Variants in WNT2 observed in about 807,000 individuals in gnomAD.
WNT2 encodes Wnt family member 2, also known as protein Wnt-2.
Under a neutral mutation model 36.9 loss-of-function variants are expected in WNT2, and 12 were observed. That is an observed-to-expected ratio of 0.33 (90% CI 0.21 to 0.53). The LOEUF (loss-of-function observed/expected upper bound fraction) is 0.53, where lower values mean the gene tolerates loss of function less well. Among genes scored for constraint, WNT2 ranks in the 20% least tolerant of loss-of-function variants. The pLI, the probability that WNT2 is intolerant of heterozygous loss-of-function variation, is 0.95. For synonymous variants in WNT2, 163 were observed against 174.6 expected (o/e 0.93, Z 0.52); for missense variants, 379 against 473.1 (o/e 0.80, Z 1.84).
chr7:117,298,474 A>G (rs1373419828), intron 3 of WNT2, among the ~76,000 whole-genome samples: 1 of 152,170 alleles, frequency 6.6e-6, no homozygotes, highest in Non-Finnish European at 1.5e-5. Flanking sequence ...GCTGTACTGC[A>G]AAGTCAGTTA....
intron 1 of WNT2, among the ~76,000 whole-genome samples, chr7:117,321,564 C>A (rs1000323884): frequency 3.4e-4 from 51 of 152,158 alleles, no homozygotes; most frequent in African/African-American, 1.2e-3. Flanking sequence ...TAGAAAGGTA[C>A]CTTTTATATA....
At chr7:117,295,125 G>A (rs773409179) in intron 4 of WNT2, among the ~76,000 whole-genome samples, 2 of 148,768 alleles carry the variant, frequency 1.3e-5, no homozygotes, top group African/African-American at 4.9e-5. Flanking sequence ...GAGACGAGAC[G>A]AGACGAGATG....
At position 117,276,188 on chromosome 7, in the gene WNT2, T is replaced by A. The variant is rs940526325; in HGVS notation, c.*1967A>T. 2.6e-5 allele frequency among the ~76,000 whole-genome samples: 4 copies of A among 152,226 alleles called. No individual in the cohort carries two copies. The highest frequency in any genetic ancestry group is 5.9e-5 in the Non-Finnish European group (4 of 68,038). ...TTCCCCAAACTAAAGGAAGCTGAGA[T>A]GTCTCCTAAGATCCTTTCCAATTTG... On this transcript the variant is annotated 3_prime_UTR_variant, in exon 5 of 5. Coordinates refer to ENST00000265441, the MANE Select transcript of WNT2 (RefSeq NM_003391.3).
At chr7:117,287,004 C>A (rs1794593660) in intron 4 of WNT2, among the ~76,000 whole-genome samples, 1 of 152,220 alleles carries the variant, frequency 6.6e-6, no homozygotes. Flanking sequence ...TCTTCACTGT[C>A]CCACTGAGGT....
chr7:117,285,373 G>A (rs1037805924), intron 4 of WNT2, among the ~76,000 whole-genome samples: 1 of 152,146 alleles, frequency 6.6e-6, no homozygotes, highest in Non-Finnish European at 1.5e-5. Context: ...TCACTGATGT[G>A]GCCAATGCTG....
chr7:117,293,197 G>A (rs1794725083), intron 4 of WNT2, among the ~76,000 whole-genome samples: 4 of 147,364 alleles, frequency 2.7e-5, no homozygotes, highest in African/African-American at 7.5e-5. Flanking sequence ...TTTCTGAAGA[G>A]CCACTTCCTT....
chr7:117,277,237 G>A lies in WNT2; in HGVS notation c.*918C>T, dbSNP rs1269953249. 3.9e-5 allele frequency: 6 copies of A among 152,148 alleles called. No homozygotes were observed. In the East Asian group the frequency reaches 1.2e-3, roughly 29 times the overall value. 9.4% of individuals were successfully genotyped at this position (152,148 alleles called of 1,614,324 possible). On this transcript the variant is annotated 3_prime_UTR_variant, in exon 5 of 5. Coordinates refer to ENST00000265441, the MANE Select transcript of WNT2 (RefSeq NM_003391.3). ...GGGTCACATGCATAATATGAGATAG[G>A]AATTTTATTCTCCCTTTTTTTCTTG... is the stretch of plus-strand genomic sequence containing the variant.
rs911801237 is a variant in WNT2 at position 117,312,545 on chromosome 7, A to G, written c.588+2526T>C. Among the ~76,000 whole-genome samples the G allele has an allele frequency of 6.6e-5, 10 of 152,344 alleles. No individual in the cohort carries two copies. The East Asian group carries it at 1.7e-3, about 26-fold the overall frequency. On this transcript the variant is annotated intron_variant, in intron 3 of 4. Coordinates refer to ENST00000265441, the MANE Select transcript of WNT2 (RefSeq NM_003391.3). ...TATAGCATGGTTTCTTTAGACCTAA[A>G]CAGAGCTGCTGAAGGATGCTATAGA... is the stretch of plus-strand genomic sequence containing the variant.
intron 2 of WNT2, chr7:117,320,353 C>T: frequency 1.7e-6 from 1 of 573,694 alleles, no homozygotes; most frequent in South Asian, 2.1e-5. Context: ...GCCTGGGGTT[C>T]TACTTCTTCC....
chr7:117,305,689 T>C (rs1795002551), intron 3 of WNT2, among the ~76,000 whole-genome samples: 1 of 152,182 alleles, frequency 6.6e-6, no homozygotes, highest in African/African-American at 2.4e-5. Flanking sequence ...TGAGATGAGC[T>C]CTTGCTGTGT....
intron 3 of WNT2, among the ~76,000 whole-genome samples, chr7:117,302,478 G>A (rs911392673): frequency 1.3e-5 from 2 of 152,144 alleles, no homozygotes; most frequent in Non-Finnish European, 2.9e-5. Context: ...TGGTGGGGGA[G>A]TATAGCGATC....
intron 2 of WNT2, among the ~76,000 whole-genome samples, chr7:117,315,678 G>T (rs559210819): frequency 3.1e-4 from 47 of 152,338 alleles, no homozygotes; most frequent in Non-Finnish European, 5.9e-4. Context: ...GAGAGCTCTA[G>T]ATGTCCTAGA....
chr7:117,322,677 G>C lies in WNT2; in HGVS notation c.83+230C>G, dbSNP rs1416156252. 6.6e-6 allele frequency among the ~76,000 whole-genome samples: 1 copy of C among 152,134 alleles called. No individual in the cohort carries two copies. Among genetic ancestry groups the C allele is most frequent in the Non-Finnish European group, 1.5e-5 (1 of 68,024 alleles). ...GGATCCAAATAAACCAAACATCGGA[G>C]CTCTCATTTGAGGGGGAATGTGGTT... is the stretch of plus-strand genomic sequence containing the variant. On this transcript the variant is annotated intron_variant, in intron 1 of 4. Transcript: ENST00000265441. This position sits in a 1 kb window ranked among gnomAD's most constrained non-coding sequence, Gnocchi z 5.4.
intron 3 of WNT2, among the ~76,000 whole-genome samples, chr7:117,299,547 G>A (rs1584686126): frequency 6.6e-6 from 1 of 150,530 alleles, no homozygotes; most frequent in African/African-American, 2.4e-5. Flanking sequence ...GGCTGGAGTG[G>A]AGTGGTGTGA....
At chr7:117,292,475 T>C (rs970168305) in intron 4 of WNT2, among the ~76,000 whole-genome samples, 2 of 152,170 alleles carry the variant, frequency 1.3e-5, no homozygotes, top group African/African-American at 4.8e-5. Flanking sequence ...TCAGAGCATA[T>C]GTACATAAGG....
chr7:117,289,317 C>T (rs565089374), intron 4 of WNT2, among the ~76,000 whole-genome samples: 1 of 152,250 alleles, frequency 6.6e-6, no homozygotes, highest in South Asian at 2.1e-4. Context: ...CTCGGCCTCC[C>T]AAAGTGCTAG....
chr7:117,302,472 G>T (rs1563203122), intron 3 of WNT2, among the ~76,000 whole-genome samples: 1 of 149,978 alleles, frequency 6.7e-6, no homozygotes, highest in Non-Finnish European at 1.5e-5. Context: ...AACCATTGGT[G>T]GGGGAGTATA....
At chr7:117,302,960 T>C (rs1299551511) in intron 3 of WNT2, among the ~76,000 whole-genome samples, 1 of 152,224 alleles carries the variant, frequency 6.6e-6, no homozygotes, top group African/African-American at 2.4e-5. Context: ...CTCCACATAG[T>C]AAAATAACAG....
At position 117,287,493 on chromosome 7, in the gene WNT2, C is replaced by G. The variant is rs111618162; in HGVS notation, c.854-9109G>C. Among the ~76,000 whole-genome samples the G allele has an allele frequency of 5.3e-3, 739 of 140,056 alleles. 7 individuals are homozygous for G. Among genetic ancestry groups the G allele is most frequent in the African/African-American group, 0.013 (504 of 39,042 alleles). 91.9% of individuals were successfully genotyped at this position (140,056 alleles called of 152,430 possible). A position where few individuals can be genotyped will look rare whatever the true frequency, so the allele number is the denominator to read the frequency against. Reference sequence around the variant, plus strand: ...TTCGGTCTGCAAGCCCAGCTAACCTCCTTCATTAGGCCTGTAATGCACATC... The same window carrying G: ...TTCGGTCTGCAAGCCCAGCTAACCTGCTTCATTAGGCCTGTAATGCACATC... On this transcript the variant is annotated intron_variant, in intron 4 of 4. Coordinates refer to ENST00000265441, the MANE Select transcript of WNT2 (RefSeq NM_003391.3).
Sources: gnomAD v4.1 joint callset for allele counts (sites outside exome capture counted in the v4.1 genomes callset) on GRCh38, gnomAD v4.1.1 for gene constraint, Gnocchi (gnomAD v3.1) non-coding constraint, MANE v1.5 for transcripts, NCBI Gene and HGNC (gene_info 2026-07-23, HGNC 2026-07-21) for gene names.